XRCC2: variants seen among roughly 807,000 people sequenced by gnomAD.
XRCC2 encodes the protein DNA repair protein XRCC2.
A neutral mutation model predicts 27.3 loss-of-function variants in XRCC2; 24 were observed. The observed-to-expected ratio is 0.88, with a 90% CI of 0.64 to 1.24. The LOEUF (loss-of-function observed/expected upper bound fraction) is 1.24. Among genes scored for constraint, XRCC2 ranks in the 50% most tolerant of loss-of-function variants. The probability of loss-of-function intolerance (pLI) is 0.00; values close to 1 mark genes in which losing one functional copy is unlikely to be tolerated. For missense variants in XRCC2, 321 were observed against 325.8 expected, an observed-to-expected ratio of 0.99 and a Z score of 0.11; for synonymous variants, 106 against 115.4, an observed-to-expected ratio of 0.92 and a Z score of 0.52.
At chr7:152,667,428 A>AAAAAAAAAAAAAG (rs1563032964) in intron 1 of XRCC2, among the ~76,000 whole-genome samples, 3 of 77,926 alleles carry the variant, frequency 3.8e-5, no homozygotes, top group African/African-American at 5.1e-5. Flanking sequence ...AAAAAAAAAG[A>AAAAAAAAAAAAAG]AAAAAAGTAT....
At chr7:152,663,373 A>AAAAAAAAAAAAAAAAAAAAAAT in intron 1 of XRCC2, among the ~76,000 whole-genome samples, 1 of 143,644 alleles carries the variant, frequency 7.0e-6, no homozygotes, top group Non-Finnish European at 1.5e-5. Flanking sequence ...AAAAAAAAAA[A>AAAAAAAAAAAAAAAAAAAAAAT]GACTGCTTTT....
chr7:152,654,378 G>A (rs1273830182), intron 2 of XRCC2, among the ~76,000 whole-genome samples: 1 of 152,056 alleles, frequency 6.6e-6, no homozygotes, highest in African/African-American at 2.4e-5. Flanking sequence ...GTTAGAAGAC[G>A]CATTAGAAGA....
intron 2 of XRCC2, among the ~76,000 whole-genome samples, chr7:152,654,470 A>G (rs1475894645): frequency 1.3e-5 from 2 of 152,250 alleles, no homozygotes; most frequent in Non-Finnish European, 2.9e-5. Context: ...AAATGAAACT[A>G]CTAAATAATA....
In XRCC2 at chr7:152,666,400, C is replaced by G. The variant is rs928751384; in HGVS notation, c.40-5618G>C. On this transcript the variant is annotated intron_variant, in intron 1 of 2. Transcript: ENST00000359321. ...CTAATTTTTTTACTTTTTGCAGAGACAGGGTCTCCCTATGTTGTCCAGGCT... is the reference window on the plus strand; with the variant it reads ...CTAATTTTTTTACTTTTTGCAGAGAGAGGGTCTCCCTATGTTGTCCAGGCT... 3.9e-5 allele frequency among the ~76,000 whole-genome samples: 6 copies of G among 151,994 alleles called. No individual in the cohort carries two copies. The East Asian group carries it at 9.7e-4, about 25-fold the overall frequency.
rs2116999624 is a variant in XRCC2, at chr7:152,660,749, T to C, written c.73A>G (p.Lys25Glu). The C allele has an allele frequency of 3.7e-6, 6 of 1,613,540 alleles. No individual in the cohort carries two copies. Among genetic ancestry groups the C allele is most frequent in the Admixed American group, 3.3e-5 (2 of 59,988 alleles). ...GCAAACAGATTTGGTTCTATTTCTT[T>C]CAAGGAACTTCTACCTTCAAGTCGG... The part of the protein sequence containing the change: ...LARLEGRSSL[K>E]EIEPNLFADE... Residue 25 changes from lysine to glutamate, a missense_variant, in exon 2 of 3, where the codon AAA (lysine) becomes GAA (glutamate). Lys to Glu is a moderately conservative substitution (Grantham distance 56, BLOSUM62 1). Transcript: ENST00000359321.
intron 1 of XRCC2, among the ~76,000 whole-genome samples, chr7:152,675,632 A>C (rs1436811667): frequency 4.6e-5 from 7 of 152,176 alleles, no homozygotes; most frequent in African/African-American, 1.7e-4. Flanking sequence ...AAAAGCTCCA[A>C]ATGCTCCAAC....
chr7:152,655,722 AG>A (rs1444975144), intron 2 of XRCC2, among the ~76,000 whole-genome samples: 2 of 151,458 alleles, frequency 1.3e-5, no homozygotes, highest in Non-Finnish European at 2.9e-5. Flanking sequence ...CAAAAAGAAA[AG>A]TTTGGCACTG....
At chr7:152,662,680 C>A (rs2098033666) in intron 1 of XRCC2, among the ~76,000 whole-genome samples, 1 of 141,570 alleles carries the variant, frequency 7.1e-6, no homozygotes, top group Non-Finnish European at 1.5e-5. Context: ...TCACGCCATT[C>A]TCCTGCCTCA....
At chr7:152,667,362 G>A (rs185820368) in intron 1 of XRCC2, among the ~76,000 whole-genome samples, 41 of 123,734 alleles carry the variant, frequency 3.3e-4, no homozygotes, top group East Asian at 2.3e-3. Context: ...CCGAGATTAC[G>A]CCATTGCACT....
chr7:152,648,757 T>G lies in XRCC2; in HGVS notation c.728A>C (p.Lys243Thr), dbSNP rs1590129251. ...GTTGCTGCTTTGAGAATCATCTTGT[T>G]TGGAGAAAAACATCCTGTGCTTCAC... ...QLVKHRMFFS[K>T]QDDSQSSNQF... The change falls in exon 3 of 3, where the codon AAA becomes ACA. Residue 243 changes from lysine (K) to threonine (T), a missense_variant. Physicochemically the swap from Lys to Thr is moderately conservative, Grantham distance 78. Coordinates refer to ENST00000359321, the MANE Select transcript of XRCC2 (RefSeq NM_005431.2). 1 of 1,614,228 alleles carries G rather than the reference T, an allele frequency of 6.2e-7. No individual in the cohort carries two copies. The highest frequency in any genetic ancestry group is 8.5e-7 in the Non-Finnish European group (1 of 1,180,036).
At chr7:152,654,055 G>A (rs1344249991) in intron 2 of XRCC2, among the ~76,000 whole-genome samples, 1 of 152,054 alleles carries the variant, frequency 6.6e-6, no homozygotes, top group Non-Finnish European at 1.5e-5. Context: ...AATTAGCTGG[G>A]CATGGTGGCA....
At position 152,646,241 on chromosome 7, in the gene XRCC2, C is replaced by T. The variant is rs1414295185; in HGVS notation, c.*2401G>A. The stretch of plus-strand genomic sequence containing the variant: ...ATGCAAGGACCTTAGCACACTAATT[C>T]TTCTGCTCCTAATGTCAAATTATAT... On this transcript the variant is annotated 3_prime_UTR_variant, in exon 3 of 3. Coordinates refer to ENST00000359321, the MANE Select transcript of XRCC2 (RefSeq NM_005431.2). The T allele has an allele frequency of 6.6e-6, 1 of 151,726 alleles. No homozygotes were observed. The highest frequency in any genetic ancestry group is 2.4e-5 in the African/African-American group (1 of 41,242). 9.4% of individuals were successfully genotyped at this position (151,726 alleles called of 1,614,324 possible).
rs2098026484 is a variant in XRCC2, at chr7:152,647,371, G to GTT, written c.*1269_*1270dup. 1 of 152,078 alleles carries GTT rather than the reference G, an allele frequency of 6.6e-6. No individual in the cohort carries two copies. Among genetic ancestry groups the GTT allele is most frequent in the African/African-American group, 2.4e-5 (1 of 41,410 alleles). 9.4% of individuals were successfully genotyped at this position (152,078 alleles called of 1,614,324 possible). Reference sequence around the variant, plus strand: ...AAGCTGTCTGTTTACTCTCTTGATAGTTTCTTTTGCTGTGCAGCTCTTTAG... The same window carrying GTT: ...AAGCTGTCTGTTTACTCTCTTGATAGTTTTTCTTTTGCTGTGCAGCTCTTTAG... On this transcript the variant is annotated 3_prime_UTR_variant, in exon 3 of 3. Transcript: ENST00000359321.
intron 1 of XRCC2, among the ~76,000 whole-genome samples, 200 bp from the exon 2 acceptor site, chr7:152,660,982 A>G (rs909873751): frequency 6.6e-6 from 1 of 152,160 alleles, no homozygotes; most frequent in Non-Finnish European, 1.5e-5. Context: ...CCTGGGCGAC[A>G]TGGTGAAACC....
chr7:152,672,639 G>A (rs1362456348), intron 1 of XRCC2, among the ~76,000 whole-genome samples: 1 of 152,100 alleles, frequency 6.6e-6, no homozygotes, highest in Non-Finnish European at 1.5e-5. Flanking sequence ...TCCAAAATAC[G>A]TCATTAGAAA....
intron 1 of XRCC2, among the ~76,000 whole-genome samples, chr7:152,669,936 TAAA>T (rs78706535): frequency 7.5e-6 from 1 of 133,862 alleles, no homozygotes; most frequent in Non-Finnish European, 1.6e-5. Flanking sequence ...CAAAAGGCTG[TAAA>T]AAAAAAAAAA....
chr7:152,674,683 A>AT lies in XRCC2; in HGVS notation c.39+1357_39+1358insA, dbSNP rs1439967262. 1.0e-4 allele frequency among the ~76,000 whole-genome samples: 7 copies of AT among 68,238 alleles called. 1 individual carries two copies. The highest frequency in any genetic ancestry group is 3.3e-4 in the African/African-American group (6 of 18,136). The allele number at this position is 68,238 out of a possible 152,430, so 44.8% of individuals were successfully genotyped here. A position where few individuals can be genotyped will look rare whatever the true frequency, so the allele number is the denominator to read the frequency against. ...ATACTTTCTATATAATCTATATTAT[A>AT]AATATATTTTTAAATATATATTTAT... On this transcript the variant is annotated intron_variant, in intron 1 of 2. Transcript: ENST00000359321.
intron 1 of XRCC2, among the ~76,000 whole-genome samples, chr7:152,674,920 G>A (rs1269674404): frequency 6.6e-6 from 1 of 151,494 alleles, no homozygotes; most frequent in Non-Finnish European, 1.5e-5. Context: ...GCTGCCATGT[G>A]CCTTTATTTA....
At chr7:152,658,550 C>T (rs1193584705) in intron 2 of XRCC2, among the ~76,000 whole-genome samples, 2 of 152,248 alleles carry the variant, frequency 1.3e-5, no homozygotes, top group African/African-American at 4.8e-5. Flanking sequence ...TTCCATCTTG[C>T]AAAACTCCCA....
Sources: allele counts gnomAD v4.1 joint callset (sites outside exome capture counted in the v4.1 genomes callset), GRCh38; gene constraint gnomAD v4.1.1; transcripts MANE v1.5; gene names NCBI Gene and HGNC (gene_info 2026-07-23, HGNC 2026-07-21).